Variants in UGT1A3 observed in about 807,000 individuals in gnomAD.
UGT1A3 encodes the protein UDP-glucuronosyltransferase 1A3.
UGT1A3 carries 31 observed loss-of-function variants against 41.0 expected under a neutral mutation model. That is an observed-to-expected ratio of 0.76 (90% CI 0.57 to 1.02). The LOEUF is 1.02. Among genes scored for constraint, UGT1A3 ranks in the 50% least tolerant of loss-of-function variants. The pLI is 0.00. For synonymous variants in UGT1A3, 262 were observed against 257.6 expected, an observed-to-expected ratio of 1.02 and a Z score of -0.17; for missense variants, 737 against 671.0, an observed-to-expected ratio of 1.10 and a Z score of -1.09.
At position 233,729,866 on chromosome 2, in the gene UGT1A3, A is replaced by G. The variant is rs1305518931; in HGVS notation, c.740A>G (p.Asp247Gly). The change falls in exon 1 of 5, where the codon GAT (aspartate) becomes GGT (glycine). Residue 247 changes from aspartate (D) to glycine (G), a missense_variant. Transcript: ENST00000482026. ...ELFQREVSVV[D>G]ILSHASVWLF... ...TTTCAGAGAGAGGTGTCAGTGGTGG[A>G]TATTCTCAGTCATGCATCTGTGTGG... 1.9e-6 allele frequency: 3 copies of G among 1,613,610 alleles called. No homozygotes were observed. The highest frequency in any genetic ancestry group is 2.2e-5 in the South Asian group (2 of 91,056).
Position 233,729,533 on chromosome 2 carries a change from C to T in UGT1A3, c.407C>T (p.Ala136Val), listed in dbSNP as rs746765589. Residue 136 changes from alanine to valine, a missense_variant, in exon 1 of 5, where the codon GCC (alanine) becomes GTC (valine). Transcript: ENST00000482026. ...TGTGTGGAGCTACTACATAATGAGG[C>T]CCTGATCAGGCACCTGAATGCTACT... is the stretch of plus-strand genomic sequence containing the variant. ...RSCVELLHNE[A>V]LIRHLNATSF... 5.0e-6 allele frequency: 8 copies of T among 1,614,138 alleles called. No individual in the cohort carries two copies. Among genetic ancestry groups the T allele is most frequent in the South Asian group, 3.3e-5 (3 of 91,076 alleles).
At chr2:233,757,996 G>A (rs1283053309) in intron 1 of UGT1A3, among the ~76,000 whole-genome samples, 1 of 152,032 alleles carries the variant, frequency 6.6e-6, no homozygotes, top group East Asian at 1.9e-4. Flanking sequence ...CCCTGTAATT[G>A]CCTGGTCATG....
At position 233,737,754 on chromosome 2, in the gene UGT1A3, T is replaced by G. The variant is rs1342701991; in HGVS notation, c.867+7761T>G. Reference sequence around the variant, plus strand: ...TTCCTTTTCTCTTCCAGTTTTTCAATGTGAACATATTCTCTAGAGTTAACT... The same window carrying G: ...TTCCTTTTCTCTTCCAGTTTTTCAAGGTGAACATATTCTCTAGAGTTAACT... On this transcript the variant is annotated intron_variant, in intron 1 of 4. Transcript: ENST00000482026. Among the ~76,000 whole-genome samples the G allele has an allele frequency of 3.3e-5, 5 of 152,300 alleles. No homozygotes were observed. The East Asian group carries it at 9.6e-4, about 29-fold the overall frequency.
At chr2:233,730,201 G>A (rs1312808089) in intron 1 of UGT1A3, among the ~76,000 whole-genome samples, 2 of 152,190 alleles carry the variant, frequency 1.3e-5, no homozygotes, top group Non-Finnish European at 2.9e-5. Context: ...AGAGGAAGAG[G>A]AAGTAGACAC....
chr2:233,732,188 TA>T lies in UGT1A3; in HGVS notation c.867+2196del, dbSNP rs994200311. Among the ~76,000 whole-genome samples the T allele has an allele frequency of 9.1e-4, 138 of 152,390 alleles. 1 individual carries two copies. The highest frequency in any genetic ancestry group is 3.2e-3 in the African/African-American group (134 of 41,598). ...TGAGTTCTTTGTAGATTCTGGATATTAGCCCTTTGTCAGATGGGTAGATTGC... is the reference window on the plus strand; with the variant it reads ...TGAGTTCTTTGTAGATTCTGGATATTGCCCTTTGTCAGATGGGTAGATTGC... On this transcript the variant is annotated intron_variant, in intron 1 of 4. Transcript: ENST00000482026.
intron 1 of UGT1A3, among the ~76,000 whole-genome samples, chr2:233,757,184 G>A (rs1386483916): frequency 6.6e-6 from 1 of 151,202 alleles, no homozygotes; most frequent in Non-Finnish European, 1.5e-5. Context: ...CAAGGCAGAG[G>A]ACTCTGAATT....
chr2:233,764,795 T>A (rs148070412), intron 1 of UGT1A3, among the ~76,000 whole-genome samples: 1 of 152,200 alleles, frequency 6.6e-6, no homozygotes, highest in East Asian at 1.9e-4. Flanking sequence ...CCTCAGGGTG[T>A]TCTTGCTACA....
At chr2:233,764,417 G>A (rs986717948) in intron 1 of UGT1A3, among the ~76,000 whole-genome samples, 1 of 152,168 alleles carries the variant, frequency 6.6e-6, no homozygotes, top group African/African-American at 2.4e-5. Context: ...TTTGCCCTGC[G>A]TGAATCTCCA....
rs149243985 is a variant in UGT1A3, at chr2:233,751,326, T to A, written c.868-15708T>A. ...ATTTACCCAATTTCTGTACCCCCAT[T>A]GTGTCTTGGAAGTTACTTTTGATTT... On this transcript the variant is annotated intron_variant, in intron 1 of 4. Coordinates refer to ENST00000482026, the MANE Select transcript of UGT1A3 (RefSeq NM_019093.4). Among the ~76,000 whole-genome samples the A allele has an allele frequency of 2.6e-5, 4 of 152,018 alleles. No homozygotes were observed. The East Asian group carries it at 5.8e-4, about 22-fold the overall frequency.
Position 233,729,631 on chromosome 2 carries a change from A to G in UGT1A3, c.505A>G (p.Thr169Ala), listed in dbSNP as rs141036072. ...AVLAKYLSIPTVFFLRNIPCD... is the reference protein window; with the variant it reads ...AVLAKYLSIPAVFFLRNIPCD... The stretch of plus-strand genomic sequence containing the variant: ...GCTGGCTAAGTACCTGTCGATTCCT[A>G]CTGTGTTTTTTTTGAGGAACATTCC... Residue 169 changes from threonine (T) to alanine (A), a missense_variant, in exon 1 of 5, where the codon ACT becomes GCT. By Grantham distance (58) the Thr-to-Ala change is moderately conservative. Coordinates refer to ENST00000482026, the MANE Select transcript of UGT1A3 (RefSeq NM_019093.4). 1,000 of 1,613,764 alleles carry G rather than the reference A, an allele frequency of 6.2e-4. 4 individuals are homozygous for G. The highest frequency in any genetic ancestry group is 6.0e-4 in the Non-Finnish European group (708 of 1,179,854).
intron 1 of UGT1A3, among the ~76,000 whole-genome samples, chr2:233,756,604 C>T (rs914908855): frequency 6.6e-6 from 1 of 152,112 alleles, no homozygotes; most frequent in South Asian, 2.1e-4. Flanking sequence ...TGTATCGAAA[C>T]CATTAAGACT....
intron 1 of UGT1A3, among the ~76,000 whole-genome samples, chr2:233,731,855 G>T (rs1025455629): frequency 1.3e-5 from 2 of 152,138 alleles, no homozygotes; most frequent in African/African-American, 4.8e-5. Flanking sequence ...TTGAGGAATC[G>T]CCACACTGTC....
chr2:233,744,539 T>C (rs1692841530), intron 1 of UGT1A3, among the ~76,000 whole-genome samples: 1 of 151,924 alleles, frequency 6.6e-6, no homozygotes, highest in African/African-American at 2.4e-5. Flanking sequence ...TTTATGTAAA[T>C]TTTATTAAGA....
rs988278598 is a variant in UGT1A3, at chr2:233,758,928, G to A, written c.868-8106G>A. Among the ~76,000 whole-genome samples the A allele has an allele frequency of 5.9e-5, 9 of 152,130 alleles. 1 individual carries two copies. The highest frequency in any genetic ancestry group is 3.3e-4 in the Admixed American group (5 of 15,276). On this transcript the variant is annotated intron_variant, in intron 1 of 4. Coordinates refer to ENST00000482026, the MANE Select transcript of UGT1A3 (RefSeq NM_019093.4). Reference sequence around the variant, plus strand: ...TTGTTTTTGCTCATCTTTCCCTTTTGACTTCAAATCAGTCATCAGAATTTC... The same window carrying A: ...TTGTTTTTGCTCATCTTTCCCTTTTAACTTCAAATCAGTCATCAGAATTTC...
intron 1 of UGT1A3, chr2:233,748,124 G>A (rs1575688214): frequency 6.2e-7 from 1 of 1,610,748 alleles, no homozygotes; most frequent in South Asian, 1.1e-5. Flanking sequence ...AGGCAAAACA[G>A]TTTTTAAAAA....
chr2:233,751,515 A>G (rs1261607058), intron 1 of UGT1A3, among the ~76,000 whole-genome samples: 1 of 152,234 alleles, frequency 6.6e-6, no homozygotes, highest in Non-Finnish European at 1.5e-5. Flanking sequence ...GCCAGAGGGC[A>G]GAATGATATG....
intron 1 of UGT1A3, chr2:233,739,012 T>A (rs1690960444): frequency 6.6e-6 from 1 of 152,230 alleles, no homozygotes; most frequent in Admixed American, 6.5e-5. Context: ...TCCCAGTGGC[T>A]CCAGCCATGG....
rs375974892 is a variant in UGT1A3 at position 233,760,864 on chromosome 2, G to A, written c.868-6170G>A. The A allele has an allele frequency of 8.0e-5, 129 of 1,613,862 alleles. No individual in the cohort carries two copies. Among genetic ancestry groups the A allele is most frequent in the Non-Finnish European group, 9.2e-5 (109 of 1,179,976 alleles). ...CCAGTGCCCCAACCCATTCTCCTAC[G>A]TGCCCAGGCCTCTCTCCTCTCATTC... is the stretch of plus-strand genomic sequence containing the variant. On this transcript the variant is annotated intron_variant, in intron 1 of 4. Coordinates refer to ENST00000482026, the MANE Select transcript of UGT1A3 (RefSeq NM_019093.4).
chr2:233,768,949 T>G (rs973201287), intron 4 of UGT1A3, among the ~76,000 whole-genome samples: 26 of 152,212 alleles, frequency 1.7e-4, no homozygotes, highest in Admixed American at 1.5e-3. Context: ...TTAGTTTCTA[T>G]ATAATTTATC....
Sources: allele counts gnomAD v4.1 joint callset (sites outside exome capture counted in the v4.1 genomes callset), GRCh38; gene constraint gnomAD v4.1.1; transcripts MANE v1.5; gene names NCBI Gene and HGNC (gene_info 2026-07-23, HGNC 2026-07-21).